Variants in TBX19 observed in about 807,000 individuals in gnomAD.
TBX19 encodes T-box transcription factor TBX19.
In TBX19, 33 loss-of-function variants were observed where a neutral mutation model predicts 40.9. That is an observed-to-expected ratio of 0.81 (90% CI 0.61 to 1.08). TBX19 has a LOEUF of 1.08. Ranked by LOEUF, TBX19 falls within the 50% of genes least tolerant of loss-of-function variation. TBX19 has a pLI of 0.00. For synonymous variants in TBX19, 220 were observed against 225.0 expected (o/e 0.98, Z 0.20); for missense variants, 494 against 574.0 (o/e 0.86, Z 1.42).
At chr1:168,295,270 G>T (rs1414570806) in intron 3 of TBX19, among the ~76,000 whole-genome samples, 1 of 151,768 alleles carries the variant, frequency 6.6e-6, no homozygotes, top group Non-Finnish European at 1.5e-5. Flanking sequence ...CATCCTGGGT[G>T]AGAGAGCAAG....
At chr1:168,289,171 C>T (rs905910627) in intron 1 of TBX19, among the ~76,000 whole-genome samples, 4 of 152,150 alleles carry the variant, frequency 2.6e-5, no homozygotes, top group African/African-American at 9.7e-5. Flanking sequence ...CAGAATAACC[C>T]TATATGATCC....
Position 168,281,089 on chromosome 1 carries a change from C to T in TBX19, c.-2C>T. The stretch of plus-strand genomic sequence containing the variant: ...GCTCTCGGCAAAGTTCGAGAAGTGC[C>T]TATGGCCATGAGTGAGCTGGGCACT... On this transcript the variant is annotated 5_prime_UTR_variant, in exon 1 of 8. Transcript: ENST00000367821. The T allele has an allele frequency of 6.2e-7, 1 of 1,614,090 alleles. No homozygotes were observed. The highest frequency in any genetic ancestry group is 8.5e-7 in the Non-Finnish European group (1 of 1,179,996).
chr1:168,307,580 A>C (rs543987317), intron 6 of TBX19, among the ~76,000 whole-genome samples: 16 of 152,190 alleles, frequency 1.1e-4, no homozygotes, highest in Middle Eastern at 6.8e-3. Context: ...ACACATTCAA[A>C]CCATAGCACC....
intron 1 of TBX19, among the ~76,000 whole-genome samples, chr1:168,290,403 C>A (rs1009641140): frequency 1.3e-5 from 2 of 152,222 alleles, no homozygotes; most frequent in Non-Finnish European, 2.9e-5. Context: ...CTGTCACATA[C>A]ATTTAGGGTG....
chr1:168,311,757 G>A (rs998976541), intron 7 of TBX19, among the ~76,000 whole-genome samples: 8 of 152,184 alleles, frequency 5.3e-5, no homozygotes, highest in Non-Finnish European at 7.3e-5. Context: ...ACTACAGGCC[G>A]AAAACATTGG....
At chr1:168,302,231 G>A (rs1247977999) in intron 5 of TBX19, among the ~76,000 whole-genome samples, 1 of 152,202 alleles carries the variant, frequency 6.6e-6, no homozygotes, top group Non-Finnish European at 1.5e-5. Context: ...TTAGTCAGAT[G>A]GGGACCCCTT....
chr1:168,301,706 G>C (rs1462964228), intron 5 of TBX19, among the ~76,000 whole-genome samples: 1 of 152,250 alleles, frequency 6.6e-6, no homozygotes, highest in Non-Finnish European at 1.5e-5. Flanking sequence ...ACTTGGGTTA[G>C]CAGCAGTTAC....
At chr1:168,309,863 C>T (rs1280592410) in intron 7 of TBX19, among the ~76,000 whole-genome samples, 1 of 152,156 alleles carries the variant, frequency 6.6e-6, no homozygotes, top group South Asian at 2.1e-4. Flanking sequence ...ACCTACTTTG[C>T]AGAGTTACTG....
rs919848391 is a variant in TBX19, at chr1:168,305,119, A to G, written c.839A>G (p.Glu280Gly). 13 of 1,614,100 alleles carry G rather than the reference A, an allele frequency of 8.1e-6. No individual in the cohort carries two copies. Among genetic ancestry groups the G allele is most frequent in the Non-Finnish European group, 1.1e-5 (13 of 1,180,028 alleles). The part of the protein sequence containing the change: ...LPAPHTHHGC[E>G]HYSGLRGHRQ... Reference sequence around the variant, plus strand: ...GCTCCCCACACCCACCATGGCTGTGAGCACTATTCGGGTCTCCGAGGACAC... The same window carrying G: ...GCTCCCCACACCCACCATGGCTGTGGGCACTATTCGGGTCTCCGAGGACAC... Residue 280 changes from glutamate (E) to glycine (G), a missense_variant, in exon 6 of 8, where the codon GAG (glutamate) becomes GGG (glycine). Physicochemically the swap from Glu to Gly is moderately conservative, Grantham distance 98 (BLOSUM62 -2). Transcript: ENST00000367821.
At chr1:168,303,876 G>A (rs1490733999) in intron 5 of TBX19, among the ~76,000 whole-genome samples, 1 of 152,216 alleles carries the variant, frequency 6.6e-6, no homozygotes, top group African/African-American at 2.4e-5. Context: ...ATTATGATTC[G>A]CATATAACTA....
chr1:168,312,786 C>T lies in TBX19; in HGVS notation c.1131C>T (p.Thr377=), dbSNP rs770094748. The change falls in exon 8 of 8, where the codon ACC becomes ACT. Residue 377 remains threonine (T), a synonymous_variant. Coordinates refer to ENST00000367821, the MANE Select transcript of TBX19 (RefSeq NM_005149.3). ...CAGGCCCGGAGGTGCACGCCAGCAC[C>T]CCAGGAGCATTTCTCCTCGGAAACC... ...SGPGPEVHAS[T]PGAFLLGNPA... is the part of the protein sequence containing the mutation. The T allele has an allele frequency of 6.2e-7, 1 of 1,614,258 alleles. No individual in the cohort carries two copies. The highest frequency in any genetic ancestry group is 8.5e-7 in the Non-Finnish European group (1 of 1,180,048).
chr1:168,302,793 A>G (rs1649310643), intron 5 of TBX19, among the ~76,000 whole-genome samples: 1 of 152,088 alleles, frequency 6.6e-6, no homozygotes, highest in Non-Finnish European at 1.5e-5. Context: ...GTTGGAAGGC[A>G]TCATGATATC....
intron 6 of TBX19, 154 bp from the exon 7 acceptor site, chr1:168,308,588 C>A: frequency 1.0e-6 from 1 of 967,910 alleles, no homozygotes; most frequent in Non-Finnish European, 1.6e-6. Flanking sequence ...ACCCACGTTT[C>A]TTTTTATTTT....
At position 168,305,128 on chromosome 1, in the gene TBX19, C is replaced by T. The variant is rs758895157; in HGVS notation, c.848C>T (p.Ser283Leu). ...ACCCACCATGGCTGTGAGCACTATTCGGGTCTCCGAGGACACCGGCAGGCT... is the reference window on the plus strand; with the variant it reads ...ACCCACCATGGCTGTGAGCACTATTTGGGTCTCCGAGGACACCGGCAGGCT... ...PHTHHGCEHYSGLRGHRQAPY... is the reference protein window; with the variant it reads ...PHTHHGCEHYLGLRGHRQAPY... The change falls in exon 6 of 8, where the codon TCG (serine) becomes TTG (leucine). Residue 283 changes from serine (S) to leucine (L), a missense_variant. Physicochemically the swap from Ser to Leu is moderately radical, Grantham distance 145 (BLOSUM62 -2). Around this residue, in one of 3 missense-constraint regions of TBX19, gnomAD observed 284 missense variants for 307.3 expected, o/e 0.92. Coordinates refer to ENST00000367821, the MANE Select transcript of TBX19 (RefSeq NM_005149.3). The T allele has an allele frequency of 7.4e-6, 12 of 1,614,026 alleles. No homozygotes were observed. In the South Asian group the frequency reaches 8.8e-5, roughly 12 times the overall value.
rs994336030 is a variant in TBX19, at chr1:168,314,310, C to T, written c.*1308C>T. ...TTGTTACCTGTGAGTGTGTCTCTCC[C>T]TATTAGACTGTAAGCCTCTCGAGGG... On this transcript the variant is annotated 3_prime_UTR_variant, in exon 8 of 8. Coordinates refer to ENST00000367821, the MANE Select transcript of TBX19 (RefSeq NM_005149.3). 3 of 152,768 alleles carry T rather than the reference C, an allele frequency of 2.0e-5. No individual in the cohort carries two copies. Among genetic ancestry groups the T allele is most frequent in the African/African-American group, 7.2e-5 (3 of 41,456 alleles). 9.5% of individuals were successfully genotyped at this position (152,768 alleles called of 1,614,324 possible).
chr1:168,300,635 C>T, intron 5 of TBX19, 152 bp downstream of exon 5: 1 of 748,094 alleles, frequency 1.3e-6, no homozygotes, highest in South Asian at 1.7e-5. Flanking sequence ...AAATTTGTGC[C>T]CTTTCCAGAA....
intron 3 of TBX19, 79 bp from the exon 4 acceptor site, chr1:168,297,645 G>C (rs1387926635): frequency 7.5e-7 from 1 of 1,327,992 alleles, no homozygotes; most frequent in Admixed American, 1.7e-5. Flanking sequence ...AATTAAACTG[G>C]TTTTACAGAA....
intron 6 of TBX19, among the ~76,000 whole-genome samples, chr1:168,305,667 G>A (rs1023612957): frequency 2.6e-5 from 4 of 152,196 alleles, no homozygotes; most frequent in Non-Finnish European, 5.9e-5. Context: ...TCAGGCCTTA[G>A]TCTGATTCAG....
At chr1:168,296,072 A>G (rs1036558096) in intron 3 of TBX19, among the ~76,000 whole-genome samples, 2 of 152,028 alleles carry the variant, frequency 1.3e-5, no homozygotes, top group African/African-American at 2.4e-5. Flanking sequence ...TCTGCCAACA[A>G]AGCTTCCCTG....
Sources: gnomAD v4.1 joint callset for allele counts (sites outside exome capture counted in the v4.1 genomes callset) on GRCh38, gnomAD v4.1.1 for gene constraint, gnomAD v4.1.1 regional missense constraint, MANE v1.5 for transcripts, NCBI Gene and HGNC (gene_info 2026-07-23, HGNC 2026-07-21) for gene names.